SEMA3A: variants seen among roughly 807,000 people sequenced by gnomAD.
SEMA3A encodes semaphorin 3A.
SEMA3A carries 29 observed loss-of-function variants against 97.9 expected under a neutral mutation model. The observed-to-expected ratio is 0.30, with a 90% CI of 0.22 to 0.40. SEMA3A has a LOEUF of 0.40. SEMA3A is among the 10% of genes least tolerant of loss of function. The probability of loss-of-function intolerance (pLI) is 1.00; values close to 1 mark genes in which losing one functional copy is unlikely to be tolerated. For missense variants in SEMA3A, 763 were observed against 951.3 expected (o/e 0.80, Z 2.60); for synonymous variants, 321 against 323.7 (o/e 0.99, Z 0.09).
intron 3 of SEMA3A, among the ~76,000 whole-genome samples, chr7:84,208,396 G>T (rs1798547966): frequency 6.6e-6 from 1 of 151,296 alleles, no homozygotes; most frequent in African/African-American, 2.4e-5. Context: ...AGCTTGCAGT[G>T]AGCCGAGATC....
At chr7:84,049,571 A>G (rs1385603783) in intron 5 of SEMA3A, among the ~76,000 whole-genome samples, 2 of 152,120 alleles carry the variant, frequency 1.3e-5, no homozygotes, top group Non-Finnish European at 2.9e-5. Context: ...ATATCTGACT[A>G]TAAGAAATTT....
chr7:84,036,743 A>G (rs1339854323), intron 6 of SEMA3A, among the ~76,000 whole-genome samples: 1 of 152,140 alleles, frequency 6.6e-6, no homozygotes, highest in Admixed American at 6.6e-5. Flanking sequence ...TTTTACCTCT[A>G]TCATATTATA....
intron 1 of SEMA3A, among the ~76,000 whole-genome samples, chr7:84,378,875 A>ATT (rs1803177375): frequency 2.1e-5 from 3 of 140,838 alleles, no homozygotes; most frequent in Non-Finnish European, 4.7e-5. Context: ...AAGATCCATG[A>ATT]CTCTCTCTCT....
chr7:83,987,364 A>T (rs756833416), intron 12 of SEMA3A, among the ~76,000 whole-genome samples: 28 of 152,160 alleles, frequency 1.8e-4, no homozygotes, highest in Non-Finnish European at 3.7e-4. Context: ...TTGTACCAAG[A>T]AAAGTACTTA....
chr7:84,402,821 A>G (rs966252215), intron 1 of SEMA3A, among the ~76,000 whole-genome samples: 3 of 152,226 alleles, frequency 2.0e-5, no homozygotes, highest in Non-Finnish European at 2.9e-5. Flanking sequence ...GTATAGAAAG[A>G]CAAATATCAC....
intron 2 of SEMA3A, among the ~76,000 whole-genome samples, chr7:84,318,035 T>C (rs1015447851): frequency 6.6e-6 from 1 of 152,136 alleles, no homozygotes; most frequent in Non-Finnish European, 1.5e-5. Flanking sequence ...CCTCCATTTT[T>C]TATCCATTAA....
At chr7:84,343,570 T>C (rs1802223670) in intron 2 of SEMA3A, among the ~76,000 whole-genome samples, 1 of 152,128 alleles carries the variant, frequency 6.6e-6, no homozygotes. Flanking sequence ...AAATGCTGAC[T>C]CTCTAAGGGA....
intron 3 of SEMA3A, among the ~76,000 whole-genome samples, chr7:84,291,950 C>T (rs1224765491): frequency 6.6e-6 from 1 of 152,136 alleles, no homozygotes; most frequent in African/African-American, 2.4e-5. Flanking sequence ...TGCATAATGG[C>T]ACATTAGGTA....
At chr7:84,440,954 T>A (rs1037048664) in intron 1 of SEMA3A, among the ~76,000 whole-genome samples, 1 of 151,908 alleles carries the variant, frequency 6.6e-6, no homozygotes, top group African/African-American at 2.4e-5. Flanking sequence ...AGGTCGGGAG[T>A]TCGAGACCAG....
At chr7:84,416,166 G>A (rs1804428709) in intron 1 of SEMA3A, among the ~76,000 whole-genome samples, 1 of 152,090 alleles carries the variant, frequency 6.6e-6, no homozygotes, top group South Asian at 2.1e-4. Context: ...ATTCCCATGT[G>A]TTGTCAGAGG....
intron 12 of SEMA3A, among the ~76,000 whole-genome samples, chr7:84,001,118 C>G (rs1024766016): frequency 6.7e-6 from 1 of 150,052 alleles, no homozygotes; most frequent in Non-Finnish European, 1.5e-5. Flanking sequence ...TTGCTCTATT[C>G]TTTTATCAAA....
intron 2 of SEMA3A, among the ~76,000 whole-genome samples, chr7:84,351,546 C>T (rs2116026542): frequency 6.6e-6 from 1 of 151,260 alleles, no homozygotes; most frequent in African/African-American, 2.4e-5. Flanking sequence ...TAATCAAATT[C>T]AAAAATGGAT....
At chr7:84,486,852 T>C (rs553225818) in intron 1 of SEMA3A, among the ~76,000 whole-genome samples, 1 of 152,282 alleles carries the variant, frequency 6.6e-6, no homozygotes, top group East Asian at 1.9e-4. Context: ...AACATCATTA[T>C]GTAGCATGTA....
At chr7:84,321,287 T>C (rs1448920573) in intron 2 of SEMA3A, among the ~76,000 whole-genome samples, 1 of 152,194 alleles carries the variant, frequency 6.6e-6, no homozygotes, top group Non-Finnish European at 1.5e-5. Context: ...TGCTCTTTAT[T>C]GTATGTTTTT....
rs1804733614 is a variant in SEMA3A, at chr7:84,424,810, A to G, written c.-245-52910T>C. On this transcript the variant is annotated intron_variant, in intron 1 of 3. Transcript: ENST00000424555. ...ATATATAAATAATTTATACAAATAT[A>G]CATATATAATATAATGATATCTAAA... is the stretch of plus-strand genomic sequence containing the variant. Among the ~76,000 whole-genome samples, 3 of 101,464 alleles carry G rather than the reference A, an allele frequency of 3.0e-5. No homozygotes were observed. The South Asian group carries it at 1.0e-3, about 34-fold the overall frequency. 66.6% of individuals were successfully genotyped at this position (101,464 alleles called of 152,430 possible).
At chr7:84,225,381 A>G (rs1798965638) in intron 3 of SEMA3A, among the ~76,000 whole-genome samples, 1 of 152,114 alleles carries the variant, frequency 6.6e-6, no homozygotes, top group Non-Finnish European at 1.5e-5. Flanking sequence ...AAGTTGTGGT[A>G]AGAAATTAAA....
intron 2 of SEMA3A, among the ~76,000 whole-genome samples, chr7:84,357,418 G>C (rs1278255820): frequency 6.6e-6 from 1 of 151,962 alleles, no homozygotes; most frequent in Non-Finnish European, 1.5e-5. Context: ...AGTTTGCTGA[G>C]AATGATGGTT....
chr7:84,144,941 T>C (rs1011500831), intron 1 of SEMA3A, among the ~76,000 whole-genome samples: 2 of 152,148 alleles, frequency 1.3e-5, no homozygotes, highest in Non-Finnish European at 2.9e-5. Context: ...TCATTTGTTT[T>C]CTCCTTCACC....
At chr7:84,034,899 A>G (rs1027305402) in intron 6 of SEMA3A, among the ~76,000 whole-genome samples, 3 of 152,152 alleles carry the variant, frequency 2.0e-5, no homozygotes, top group African/African-American at 7.2e-5. Flanking sequence ...TTTCTTTTGA[A>G]TAAGCACGTT....
Sources: allele counts gnomAD v4.1 joint callset (sites outside exome capture counted in the v4.1 genomes callset), GRCh38; gene constraint gnomAD v4.1.1; transcripts MANE v1.5; gene names NCBI Gene and HGNC (gene_info 2026-07-23, HGNC 2026-07-21).